Variants in UBN2 observed in about 807,000 individuals in gnomAD.
The protein encoded by UBN2 is ubinuclein 2.
A neutral mutation model predicts 120.2 loss-of-function variants in UBN2; 35 were observed. The ratio of observed to expected loss-of-function variants is 0.29; its 90% CI spans 0.22 to 0.39. The LOEUF is 0.39. Among genes scored for constraint, UBN2 ranks in the 10% least tolerant of loss-of-function variants. The pLI, the probability that UBN2 is intolerant of heterozygous loss-of-function variation, is 1.00. For missense variants in UBN2, 1,693 were observed against 1,663.2 expected, an observed-to-expected ratio of 1.02 and a Z score of -0.31; for synonymous variants, 661 against 648.7, an observed-to-expected ratio of 1.02 and a Z score of -0.29.
intron 2 of UBN2, among the ~76,000 whole-genome samples, chr7:139,249,469 T>C (rs1385147834): frequency 6.6e-6 from 1 of 152,230 alleles, no homozygotes; most frequent in Non-Finnish European, 1.5e-5. Flanking sequence ...TATCTTTGCA[T>C]TGAAACAAAG....
In UBN2 at chr7:139,299,710, A is replaced by G. The variant is rs1434395427; in HGVS notation, c.*1874A>G. 1.3e-5 allele frequency: 2 copies of G among 152,200 alleles called. No homozygotes were observed. Among genetic ancestry groups the G allele is most frequent in the Non-Finnish European group, 2.9e-5 (2 of 68,026 alleles). The allele number at this position is 152,200 out of a possible 1,614,324, so 9.4% of individuals were successfully genotyped here. A position where few individuals can be genotyped will look rare whatever the true frequency, so the allele number is the denominator to read the frequency against. On this transcript the variant is annotated 3_prime_UTR_variant, in exon 18 of 18. Coordinates refer to ENST00000473989, the MANE Select transcript of UBN2 (RefSeq NM_173569.4). ...TGGAAGGATACTGGGAGGATGTTGC[A>G]GAGAGGTTTGACTTGAATTCAGTAT...
chr7:139,286,659 A>G (rs1450867504), intron 15 of UBN2, among the ~76,000 whole-genome samples: 1 of 152,170 alleles, frequency 6.6e-6, no homozygotes, highest in Non-Finnish European at 1.5e-5. Flanking sequence ...AAAAAATACC[A>G]TTTTATGATA....
rs150419850 is a variant in UBN2, at chr7:139,301,131, A to G, written c.*3295A>G. On this transcript the variant is annotated 3_prime_UTR_variant, in exon 18 of 18. Transcript: ENST00000473989. ...GTTGTTAGCCCAAATTACATTTTTCATATCATGGACATTGAATAGGGTTTA... is the reference window on the plus strand; with the variant it reads ...GTTGTTAGCCCAAATTACATTTTTCGTATCATGGACATTGAATAGGGTTTA... The G allele has an allele frequency of 1.7e-4, 26 of 152,286 alleles. No individual in the cohort carries two copies. In the East Asian group the frequency reaches 4.4e-3, roughly 26 times the overall value. The allele number at this position is 152,286 out of a possible 1,614,324, so 9.4% of individuals were successfully genotyped here. A position where few individuals can be genotyped will look rare whatever the true frequency, so the allele number is the denominator to read the frequency against.
intron 17 of UBN2, 141 bp from the exon 18 acceptor site, chr7:139,297,646 G>A: frequency 8.7e-6 from 6 of 691,408 alleles, no homozygotes; most frequent in Non-Finnish European, 1.5e-5. Flanking sequence ...ATGCTATATG[G>A]CATGCAAGAT....
At chr7:139,272,492 C>T (rs758086879) in intron 9 of UBN2, 52 bp downstream of exon 9, 14 of 1,201,368 alleles carry the variant, frequency 1.2e-5, no homozygotes, top group Middle Eastern at 2.0e-4. Context: ...AGTGTATGTA[C>T]GTTATGTATG....
At chr7:139,285,125 C>T (rs187760086) in intron 15 of UBN2, among the ~76,000 whole-genome samples, 5 of 152,142 alleles carry the variant, frequency 3.3e-5, no homozygotes, top group East Asian at 3.9e-4. Context: ...TAGTGTCAGT[C>T]GCCCTTTTAT....
At chr7:139,323,524 C>T in the UBN2 span, among the ~76,000 whole-genome samples, 1 of 150,830 alleles carries the variant, frequency 6.6e-6, no homozygotes. Flanking sequence ...ATGCATTTCT[C>T]AATTTCTCTT....
intron 4 of UBN2, among the ~76,000 whole-genome samples, chr7:139,258,991 C>T (rs1796847400): frequency 6.6e-6 from 1 of 152,024 alleles, no homozygotes; most frequent in South Asian, 2.1e-4. Flanking sequence ...ATATAGTGTC[C>T]TTGGATAAGT....
At chr7:139,269,549 C>T (rs916983875) in intron 8 of UBN2, 26 bp downstream of exon 8, 2 of 1,610,646 alleles carry the variant, frequency 1.2e-6, no homozygotes, top group Non-Finnish European at 1.7e-6. Context: ...ATAATATCTA[C>T]ATCTTGGGTT....
chr7:139,262,432 T>C lies in UBN2; in HGVS notation c.1395+691T>C, dbSNP rs536370454. On this transcript the variant is annotated intron_variant, in intron 6 of 17. Coordinates refer to ENST00000473989, the MANE Select transcript of UBN2 (RefSeq NM_173569.4). Reference sequence around the variant, plus strand: ...TTTCTCTTAAATAGAAATAACTGACTGGGCATGGTGGCACATGCATGTAAT... The same window carrying C: ...TTTCTCTTAAATAGAAATAACTGACCGGGCATGGTGGCACATGCATGTAAT... Among the ~76,000 whole-genome samples, 5 of 152,084 alleles carry C rather than the reference T, an allele frequency of 3.3e-5. No homozygotes were observed. The South Asian group carries it at 6.3e-4, about 19-fold the overall frequency.
chr7:139,310,587 A>G (rs554337484), downstream of UBN2, among the ~76,000 whole-genome samples: 2 of 152,332 alleles, frequency 1.3e-5, no homozygotes, highest in East Asian at 1.9e-4. Flanking sequence ...CCTGGCCAAC[A>G]TGGTGAAACC....
At chr7:139,329,175 G>A in the UBN2 span, among the ~76,000 whole-genome samples, 1 of 149,780 alleles carries the variant, frequency 6.7e-6, no homozygotes, top group Admixed American at 6.6e-5. Context: ...GCCAGTTGCT[G>A]TGAGCAAAAG....
Position 139,283,765 on chromosome 7 carries a change from C to G in UBN2, c.2860C>G (p.Pro954Ala), listed in dbSNP as rs779764965. The G allele has an allele frequency of 6.2e-7, 1 of 1,613,830 alleles. No homozygotes were observed. The highest frequency in any genetic ancestry group is 1.1e-5 in the South Asian group (1 of 91,084). ...QATISKSQTN[P>A]VVKLSNNPQL... The stretch of plus-strand genomic sequence containing the variant: ...CACCATCAGTAAATCCCAGACCAAC[C>G]CCGTCGTGAAGTTAAGTAATAATCC... The change falls in exon 15 of 18, where the codon CCC becomes GCC. Residue 954 changes from proline to alanine, a missense_variant. Coordinates refer to ENST00000473989, the MANE Select transcript of UBN2 (RefSeq NM_173569.4).
chr7:139,288,672 C>A (rs895077912), intron 15 of UBN2, among the ~76,000 whole-genome samples: 4 of 151,976 alleles, frequency 2.6e-5, no homozygotes, highest in African/African-American at 9.7e-5. Context: ...AATAGGGGAC[C>A]AGTGCACTCA....
chr7:139,284,643 C>T, intron 15 of UBN2, 69 bp downstream of exon 15: 1 of 1,321,780 alleles, frequency 7.6e-7, no homozygotes, highest in Admixed American at 2.4e-5. Flanking sequence ...TTGTGGGTAA[C>T]TTTAATAAGC....
In UBN2 at chr7:139,284,150, C is replaced by T; in HGVS notation, c.3245C>T (p.Thr1082Ile). 2 of 1,614,180 alleles carry T rather than the reference C, an allele frequency of 1.2e-6. No individual in the cohort carries two copies. The highest frequency in any genetic ancestry group is 8.5e-7 in the Non-Finnish European group (1 of 1,180,038). The change falls in exon 15 of 18, where the codon ACT becomes ATT. Residue 1082 changes from threonine (T) to isoleucine (I), a missense_variant. Physicochemically the swap from Thr to Ile is moderately conservative, Grantham distance 89. This residue lies in a region of UBN2 where 837 missense variants were observed against 817.6 expected (regional missense o/e 1.02). Transcript: ENST00000473989. Reference sequence around the variant, plus strand: ...AAACTTATTTCTAAATCCAACCCAACTCCCAAGCCTACTGTATCCCCAAGT... The same window carrying T: ...AAACTTATTTCTAAATCCAACCCAATTCCCAAGCCTACTGTATCCCCAAGT... ...STKLISKSNP[T>I]PKPTVSPSSS...
chr7:139,292,380 G>T lies in UBN2; in HGVS notation c.3670-852G>T, dbSNP rs377195463. ...CTCCCTGCAGTCCAAATATGTTAGC[G>T]TATCTCTGATTTCAGTGTTTTTATT... On this transcript the variant is annotated intron_variant, in intron 15 of 17. Transcript: ENST00000473989. Among the ~76,000 whole-genome samples the T allele has an allele frequency of 9.2e-5, 14 of 152,226 alleles. No homozygotes were observed. In the East Asian group the frequency reaches 2.7e-3, roughly 29 times the overall value.
chr7:139,271,260 T>G (rs1213173840), intron 8 of UBN2, among the ~76,000 whole-genome samples: 2 of 152,230 alleles, frequency 1.3e-5, no homozygotes, highest in African/African-American at 2.4e-5. Flanking sequence ...TATTTGTGTT[T>G]TAAAAATCTT....
intron 1 of UBN2, among the ~76,000 whole-genome samples, chr7:139,234,672 A>G (rs1003106628): frequency 6.6e-6 from 1 of 152,240 alleles, no homozygotes; most frequent in African/African-American, 2.4e-5. Flanking sequence ...GCAATGATTG[A>G]TACACAAGAA....
Sources: gnomAD v4.1 joint callset for allele counts (sites outside exome capture counted in the v4.1 genomes callset) on GRCh38, gnomAD v4.1.1 for gene constraint, gnomAD v4.1.1 regional missense constraint, MANE v1.5 for transcripts, NCBI Gene and HGNC (gene_info 2026-07-23, HGNC 2026-07-21) for gene names.